The following CPXM2 variants were observed in gnomAD, a reference collection of about 807,000 sequenced individuals.
CPXM2 encodes carboxypeptidase X, M14 family member 2.
Under a neutral mutation model 86.1 loss-of-function variants are expected in CPXM2, and 66 were observed. The ratio of observed to expected loss-of-function variants is 0.77; its 90% CI spans 0.63 to 0.94. The LOEUF is 0.94. Ranked by LOEUF, CPXM2 falls within the 40% of genes least tolerant of loss-of-function variation. CPXM2 has a pLI of 0.00. For synonymous variants in CPXM2, 388 were observed against 400.2 expected, an observed-to-expected ratio of 0.97 and a Z score of 0.36; for missense variants, 948 against 1,026.3, an observed-to-expected ratio of 0.92 and a Z score of 1.04.
chr10:123,931,313 T>C lies in CPXM2; in HGVS notation n.174+8164A>G, dbSNP rs986290233. 2.0e-5 allele frequency among the ~76,000 whole-genome samples: 3 copies of C among 152,214 alleles called. No individual in the cohort carries two copies. The South Asian group carries it at 6.2e-4, about 32-fold the overall frequency. ...ATTGACAGTATTTCATGAGTATTAT[T>C]GAACATTGCTACTAGGAAAAGTTAG... On this transcript the variant is annotated intron_variant and non_coding_transcript_variant, in intron 2 of 19. Coordinates refer to the CPXM2 transcript ENST00000368854.
intron 13 of CPXM2, chr10:123,751,070 C>A: frequency 3.0e-6 from 3 of 985,176 alleles, no homozygotes; most frequent in Non-Finnish European, 3.6e-6. Flanking sequence ...GGCATTCATG[C>A]GTGCCAAGCC....
chr10:123,768,769 A>T, intron 8 of CPXM2, 47 bp from the exon 9 acceptor site: 1 of 1,535,826 alleles, frequency 6.5e-7, no homozygotes. Flanking sequence ...TGAAACACTT[A>T]GGGCCAAACG....
intron 2 of CPXM2, among the ~76,000 whole-genome samples, chr10:123,896,987 G>A (rs991035316): frequency 1.3e-5 from 2 of 150,922 alleles, no homozygotes; most frequent in African/African-American, 2.4e-5. Flanking sequence ...TTCTGATTGG[G>A]ATTGCCCAAT....
At chr10:123,789,818 T>C (rs868508943) in intron 6 of CPXM2, among the ~76,000 whole-genome samples, 49 of 152,282 alleles carry the variant, frequency 3.2e-4, no homozygotes, top group African/African-American at 9.4e-4. Context: ...CGATTGGCTA[T>C]TTTAAAGAGA....
intron 7 of CPXM2, among the ~76,000 whole-genome samples, chr10:123,773,397 T>C (rs1333851440): frequency 1.3e-5 from 2 of 152,278 alleles, no homozygotes; most frequent in African/African-American, 4.8e-5. Context: ...TTGTTGTGGA[T>C]CTCACTTCCC....
intron 3 of CPXM2, 127 bp downstream of exon 3, chr10:123,862,487 A>G (rs1848871664): frequency 2.5e-6 from 2 of 809,904 alleles, no homozygotes; most frequent in Non-Finnish European, 4.1e-6. Flanking sequence ...TCATTCAGCA[A>G]TATCCTTTCT....
chr10:123,754,706 G>A lies in CPXM2; in HGVS notation c.1974C>T (p.Asn658=), dbSNP rs142684083. 6 of 1,610,694 alleles carry A rather than the reference G, an allele frequency of 3.7e-6. No individual in the cohort carries two copies. The highest frequency in any genetic ancestry group is 3.3e-5 in the Admixed American group (2 of 60,020). ...VRDSHGKGIP[N]AIISVEGINH... ...TAATGCCTTCTACGGAGATAATGGC[G>A]TTTGGGATTCCTTTTCCATGTGAAT... Residue 658 remains asparagine (N), a synonymous_variant, in exon 13 of 14, where the codon AAC becomes AAT. Transcript: ENST00000241305. The surrounding 1 kb of genome is among the most constrained non-coding windows in gnomAD (Gnocchi z 4.0).
At chr10:123,939,401 T>C (rs1402087706) in intron 2 of CPXM2, 3 of 152,206 alleles carry the variant, frequency 2.0e-5, no homozygotes, top group African/African-American at 7.2e-5. Context: ...CTGGTGGCTC[T>C]AAGCGAGGGG....
At chr10:123,912,308 C>CGGGG (rs147794681) in intron 2 of CPXM2, among the ~76,000 whole-genome samples, 3 of 39,526 alleles carry the variant, frequency 7.6e-5, no homozygotes, top group African/African-American at 2.3e-4. Flanking sequence ...AGATGGTGGG[C>CGGGG]GGGGGGGGGG....
In CPXM2 at chr10:123,865,021, T is replaced by C. The variant is rs1179799665; in HGVS notation, c.404-2298A>G. ...GGGCTGAGTTTCCCGCCGCCAGCAG[T>C]GCTGGCAGCTGCCACATCTAACAGC... On this transcript the variant is annotated intron_variant, in intron 2 of 13. Coordinates refer to ENST00000241305, the MANE Select transcript of CPXM2 (RefSeq NM_198148.3). The surrounding 1 kb of genome is among the most constrained non-coding windows in gnomAD (Gnocchi z 4.7). 1.3e-5 allele frequency among the ~76,000 whole-genome samples: 2 copies of C among 152,298 alleles called. No individual in the cohort carries two copies. The highest frequency in any genetic ancestry group is 3.9e-4 in the East Asian group (2 of 5,168).
upstream of CPXM2, among the ~76,000 whole-genome samples, chr10:123,893,804 G>A (rs183755821): frequency 9.9e-5 from 15 of 152,284 alleles, no homozygotes; most frequent in South Asian, 4.1e-4. Flanking sequence ...CACACCCAGC[G>A]TTCCAGCGAG....
chr10:123,849,372 C>T (rs1848555413), intron 3 of CPXM2, among the ~76,000 whole-genome samples: 1 of 151,620 alleles, frequency 6.6e-6, no homozygotes, highest in Non-Finnish European at 1.5e-5. Context: ...TTCCTGCTGC[C>T]TCTCCTCCTT....
chr10:123,757,602 A>T (rs1053705838), intron 11 of CPXM2, among the ~76,000 whole-genome samples: 1 of 152,264 alleles, frequency 6.6e-6, no homozygotes, highest in African/African-American at 2.4e-5. Flanking sequence ...TGTCTTTGAC[A>T]AAAGAAGAAT....
At chr10:123,928,745 T>C (rs1945643669) in intron 2 of CPXM2, among the ~76,000 whole-genome samples, 1 of 152,236 alleles carries the variant, frequency 6.6e-6, no homozygotes, top group African/African-American at 2.4e-5. Flanking sequence ...CATGAGTGAA[T>C]GAGCCTTCAG....
intron 2 of CPXM2, among the ~76,000 whole-genome samples, chr10:123,870,432 C>A (rs1317600461): frequency 6.6e-6 from 1 of 152,208 alleles, no homozygotes; most frequent in African/African-American, 2.4e-5. Flanking sequence ...AAACTCACAG[C>A]CCTCCTGAAC....
chr10:123,893,151 A>T (rs968490774), upstream of CPXM2, among the ~76,000 whole-genome samples: 1 of 152,156 alleles, frequency 6.6e-6, no homozygotes, highest in Non-Finnish European at 1.5e-5. Flanking sequence ...TGTTCTAGGT[A>T]TTCAGGTGTA....
In CPXM2 at chr10:123,767,170, T is replaced by G. The variant is rs1332915979; in HGVS notation, c.1300-18A>C. ...TCCGAGCCCTGGAGACAAGTGAGAG[T>G]GTGAAGAATGCACAGGCTGCAGGAC... is the stretch of plus-strand genomic sequence containing the variant. On this transcript the variant is annotated intron_variant, in intron 9 of 13. Coordinates refer to ENST00000241305, the MANE Select transcript of CPXM2 (RefSeq NM_198148.3). The G allele has an allele frequency of 3.1e-6, 5 of 1,611,734 alleles. No homozygotes were observed. Among genetic ancestry groups the G allele is most frequent in the Admixed American group, 1.7e-5 (1 of 59,986 alleles).
intron 4 of CPXM2, among the ~76,000 whole-genome samples, chr10:123,812,215 T>C (rs1051979371): frequency 6.6e-6 from 1 of 152,238 alleles, no homozygotes; most frequent in Non-Finnish European, 1.5e-5. Flanking sequence ...CATCAAAGAA[T>C]AGATAAATTG....
intron 2 of CPXM2, among the ~76,000 whole-genome samples, chr10:123,898,403 A>G (rs1281524810): frequency 6.6e-6 from 1 of 152,224 alleles, no homozygotes; most frequent in African/African-American, 2.4e-5. Flanking sequence ...GTAGTACTCT[A>G]TAATCACATC....
Sources: gnomAD v4.1 joint callset for allele counts (sites outside exome capture counted in the v4.1 genomes callset) on GRCh38, gnomAD v4.1.1 for gene constraint, Gnocchi (gnomAD v3.1) non-coding constraint, MANE v1.5 for transcripts, NCBI Gene and HGNC (gene_info 2026-07-23, HGNC 2026-07-21) for gene names.